Variants in NAV2 observed in about 807,000 individuals in gnomAD.
NAV2 encodes neuron navigator 2.
A neutral mutation model predicts 223.2 loss-of-function variants in NAV2; 54 were observed. The ratio of observed to expected loss-of-function variants is 0.24; its 90% CI spans 0.19 to 0.30. The LOEUF (loss-of-function observed/expected upper bound fraction) is 0.30. Ranked by LOEUF, NAV2 falls within the 10% of genes least tolerant of loss-of-function variation. The pLI, the probability that NAV2 is intolerant of heterozygous loss-of-function variation, is 1.00. For synonymous variants in NAV2, 1,279 were observed against 1,239.3 expected (o/e 1.03, Z -0.67); for missense variants, 2,806 against 3,147.5 (o/e 0.89, Z 2.60).
intron 1 of NAV2, among the ~76,000 whole-genome samples, chr11:19,412,877 C>G (rs1172701786): frequency 6.6e-6 from 1 of 152,142 alleles, no homozygotes; most frequent in Non-Finnish European, 1.5e-5. Flanking sequence ...GGAATAGCAT[C>G]AACATTAACA....
intron 10 of NAV2, among the ~76,000 whole-genome samples, chr11:19,978,213 C>G (rs1261371442): frequency 6.7e-6 from 1 of 149,568 alleles, no homozygotes; most frequent in Non-Finnish European, 1.5e-5. Flanking sequence ...GAAGTTGATT[C>G]ATCTGTCTTC....
chr11:19,432,546 G>T (rs1362413748), intron 1 of NAV2, among the ~76,000 whole-genome samples: 1 of 152,220 alleles, frequency 6.6e-6, no homozygotes, highest in Non-Finnish European at 1.5e-5. Flanking sequence ...GAAGCCAAAA[G>T]GCGTCATGGA....
chr11:19,590,411 C>T (rs1281392425), intron 1 of NAV2, among the ~76,000 whole-genome samples: 1 of 152,088 alleles, frequency 6.6e-6, no homozygotes, highest in Non-Finnish European at 1.5e-5. Context: ...CTTTAGCATC[C>T]CCCTTACCCA....
chr11:19,399,493 G>A (rs533097358), intron 1 of NAV2, among the ~76,000 whole-genome samples: 3 of 152,260 alleles, frequency 2.0e-5, no homozygotes, highest in East Asian at 3.9e-4. Context: ...CCCAGTGTAG[G>A]TGGACAGGGG....
intron 25 of NAV2, among the ~76,000 whole-genome samples, chr11:20,080,754 G>T (rs190554364): frequency 8.5e-5 from 13 of 152,310 alleles, no homozygotes; most frequent in Admixed American, 5.2e-4. Context: ...ACCAGGGGTT[G>T]TACCTCAAAT....
chr11:19,378,072 C>T (rs987195901), intron 1 of NAV2, among the ~76,000 whole-genome samples: 1 of 152,184 alleles, frequency 6.6e-6, no homozygotes, highest in Admixed American at 6.5e-5. Context: ...AACAGCTCCT[C>T]TCCAGAGAGA....
intron 1 of NAV2, among the ~76,000 whole-genome samples, chr11:19,588,007 C>A (rs2045951446): frequency 6.6e-6 from 1 of 152,194 alleles, no homozygotes; most frequent in Non-Finnish European, 1.5e-5. Context: ...TCTTTGTCTG[C>A]AAATCTCTTG....
chr11:19,857,464 G>A (rs1350177643), intron 3 of NAV2, among the ~76,000 whole-genome samples: 2 of 152,220 alleles, frequency 1.3e-5, no homozygotes, highest in Admixed American at 1.3e-4. Context: ...TTGAGGGAAG[G>A]ACCACACTGT....
At chr11:19,716,059 C>G (rs2050282666) in intron 1 of NAV2, among the ~76,000 whole-genome samples, 1 of 136,958 alleles carries the variant, frequency 7.3e-6, no homozygotes, top group East Asian at 2.1e-4. Flanking sequence ...ACCCATTCCC[C>G]CTCCAAAACA....
intron 20 of NAV2, 29 bp from the exon 21 acceptor site, chr11:20,068,157 G>A: frequency 1.9e-6 from 3 of 1,610,872 alleles, no homozygotes; most frequent in Middle Eastern, 1.7e-4. Flanking sequence ...TCCTTAACTG[G>A]TCTAATTTCC....
At chr11:19,614,135 C>T (rs1485364912) in intron 1 of NAV2, among the ~76,000 whole-genome samples, 3 of 152,020 alleles carry the variant, frequency 2.0e-5, no homozygotes, top group African/African-American at 7.3e-5. Context: ...TGCAGAAGGC[C>T]TTAAAACAAG....
chr11:19,956,550 G>A (rs375716502), intron 10 of NAV2, among the ~76,000 whole-genome samples: 1 of 152,118 alleles, frequency 6.6e-6, no homozygotes, highest in South Asian at 2.1e-4. Context: ...GAACTCAGGG[G>A]AACACTTATT....
intron 12 of NAV2, among the ~76,000 whole-genome samples, chr11:20,036,983 C>T (rs2056433964): frequency 6.6e-6 from 1 of 152,186 alleles, no homozygotes; most frequent in Admixed American, 6.5e-5. Context: ...TCATGATTGG[C>T]AAGGGATGGT....
intron 1 of NAV2, among the ~76,000 whole-genome samples, chr11:19,373,829 T>A (rs960111709): frequency 6.6e-6 from 1 of 152,186 alleles, no homozygotes; most frequent in Admixed American, 6.5e-5. Context: ...TGTTACATGT[T>A]GAATGAAAGA....
chr11:19,975,789 C>T (rs1485702408), intron 10 of NAV2, among the ~76,000 whole-genome samples: 2 of 152,184 alleles, frequency 1.3e-5, no homozygotes, highest in African/African-American at 4.8e-5. Context: ...TCTGCTCAGC[C>T]AGGATCTACT....
intron 1 of NAV2, among the ~76,000 whole-genome samples, chr11:19,814,776 C>T (rs2059006689): frequency 6.6e-6 from 1 of 152,154 alleles, no homozygotes; most frequent in Non-Finnish European, 1.5e-5. Context: ...AGAATGGTCA[C>T]TTTGATGTGG....
intron 37 of NAV2, among the ~76,000 whole-genome samples, chr11:20,117,249 G>A (rs139754476): frequency 3.3e-5 from 5 of 152,244 alleles, no homozygotes; most frequent in South Asian, 4.1e-4. Context: ...CAAGTGACCC[G>A]TAGTATGTAA....
At chr11:19,615,657 T>A (rs2135368662) in intron 1 of NAV2, among the ~76,000 whole-genome samples, 1 of 152,286 alleles carries the variant, frequency 6.6e-6, no homozygotes, top group Middle Eastern at 3.4e-3. Flanking sequence ...TTCTGAGCCA[T>A]AATGAATCAG....
chr11:20,105,966 CCCA>C (rs3841566), intron 35 of NAV2, among the ~76,000 whole-genome samples: 96,243 of 150,368 alleles, frequency 0.64, 35,201 homozygotes, highest in South Asian at 0.83. Flanking sequence ...CTAAAGAGCT[CCCA>C]CCTCAAGGTT....
Sources: gnomAD v4.1 joint callset for allele counts (sites outside exome capture counted in the v4.1 genomes callset) on GRCh38, gnomAD v4.1.1 for gene constraint, MANE v1.5 for transcripts, NCBI Gene and HGNC (gene_info 2026-07-23, HGNC 2026-07-21) for gene names.